The following IL1RAPL2 variants were observed in gnomAD, a reference collection of about 807,000 sequenced individuals.
IL1RAPL2 encodes the protein X-linked interleukin-1 receptor accessory protein-like 2.
A neutral mutation model predicts 44.1 loss-of-function variants in IL1RAPL2; 3 were observed. The observed-to-expected ratio is 0.07, with a 90% confidence interval of 0.03 to 0.18. The LOEUF (loss-of-function observed/expected upper bound fraction) is 0.18, where lower values mean the gene tolerates loss of function less well. Ranked by LOEUF, IL1RAPL2 falls within the 10% of genes least tolerant of loss-of-function variation. The pLI is 1.00. For missense variants in IL1RAPL2, 391 were observed against 496.4 expected (o/e 0.79, Z 2.02); for synonymous variants, 181 against 178.8 (o/e 1.01, Z -0.10).
At chrX:105,032,480 A>G (rs1321949012) in intron 2 of IL1RAPL2, among the ~76,000 whole-genome samples, 1 of 109,757 alleles carries the variant, frequency 9.1e-6, no homozygotes, top group African/African-American at 3.3e-5. Flanking sequence ...TCATTTCGTT[A>G]TTTCCCCGTA....
chrX:104,824,921 A>T (rs1160887678), intron 2 of IL1RAPL2, among the ~76,000 whole-genome samples: 1 of 110,995 alleles, frequency 9.0e-6, no homozygotes, highest in Non-Finnish European at 1.9e-5. Flanking sequence ...TTTTTTTCAA[A>T]TCACACTATT....
At chrX:104,645,937 A>C (rs2148017831) in intron 1 of IL1RAPL2, among the ~76,000 whole-genome samples, 1 of 112,614 alleles carries the variant, frequency 8.9e-6, no homozygotes, top group East Asian at 2.8e-4. Flanking sequence ...GGATTTTAGT[A>C]TAGTTAAATG....
At chrX:104,915,206 T>C (rs1924378789) in intron 2 of IL1RAPL2, among the ~76,000 whole-genome samples, 1 of 111,246 alleles carries the variant, frequency 9.0e-6, no homozygotes, top group Non-Finnish European at 1.9e-5. Flanking sequence ...TTCCTATTTC[T>C]CCACATCCTC....
chrX:105,007,860 G>C (rs796484012), intron 2 of IL1RAPL2, among the ~76,000 whole-genome samples: 1 of 458 alleles, frequency 2.2e-3, no homozygotes, highest in African/African-American at 7.4e-3. Flanking sequence ...CCTGGAGCAA[G>C]TGAGAAGAGA....
intron 1 of IL1RAPL2, among the ~76,000 whole-genome samples, chrX:104,649,539 G>T (rs565337715): frequency 6.6e-4 from 74 of 111,676 alleles, no homozygotes; most frequent in South Asian, 5.9e-3. Flanking sequence ...ATTATAAAAT[G>T]TAAGAGATAG....
intron 2 of IL1RAPL2, among the ~76,000 whole-genome samples, chrX:104,749,558 A>G (rs911708534): frequency 5.4e-5 from 6 of 111,833 alleles, no homozygotes; most frequent in Non-Finnish European, 7.5e-5. Context: ...TGCAATGTCA[A>G]TTTTTCCATG....
At chrX:104,872,610 C>A (rs907143804) in intron 2 of IL1RAPL2, among the ~76,000 whole-genome samples, 13 of 111,716 alleles carry the variant, frequency 1.2e-4, no homozygotes, top group African/African-American at 4.2e-4. Context: ...ACCAGAAAAC[C>A]TCTGCTAGCT....
At chrX:105,549,300 T>C (rs1034625643) in intron 6 of IL1RAPL2, among the ~76,000 whole-genome samples, 6 of 112,521 alleles carry the variant, frequency 5.3e-5, no homozygotes, top group Non-Finnish European at 9.4e-5. Context: ...CAATTTGTTA[T>C]GAAATTTGTT....
chrX:105,371,110 C>A (rs1439333747), intron 5 of IL1RAPL2, among the ~76,000 whole-genome samples: 1 of 111,980 alleles, frequency 8.9e-6, no homozygotes, highest in African/African-American at 3.2e-5. Context: ...TATTCAAGTT[C>A]TTTATAGATT....
chrX:104,996,460 T>G (rs2030749611), intron 2 of IL1RAPL2, among the ~76,000 whole-genome samples: 1 of 111,695 alleles, frequency 9.0e-6, no homozygotes, highest in African/African-American at 3.3e-5. Context: ...AGCTGAGACT[T>G]GTAAGATAAT....
At chrX:105,546,520 T>G (rs973925958) in intron 6 of IL1RAPL2, among the ~76,000 whole-genome samples, 2 of 110,018 alleles carry the variant, frequency 1.8e-5, no homozygotes, top group African/African-American at 6.6e-5. Context: ...GTGATTTTTT[T>G]AAAGAAAATA....
rs138900921 is a variant in IL1RAPL2, at chrX:104,945,403, A to T, written c.83-250072A>T. 6.3e-3 allele frequency among the ~76,000 whole-genome samples: 699 copies of T among 111,259 alleles called. 3 individuals carry two copies. Among genetic ancestry groups the T allele is most frequent in the African/African-American group, 0.022 (665 of 30,661 alleles). ...CATGGATAAGACTATTATCCTACTG[A>T]GCCCTACATTTTTGCAAAGGTTTCA... is the stretch of plus-strand genomic sequence containing the variant. On this transcript the variant is annotated intron_variant, in intron 2 of 10. Transcript: ENST00000372582.
In IL1RAPL2 at chrX:105,755,327, G is replaced by C; in HGVS notation, c.1343G>C (p.Arg448Thr). The change falls in exon 10 of 11, where the codon AGA (arginine) becomes ACA (threonine). Residue 448 changes from arginine to threonine, a missense_variant. By Grantham distance (71) the Arg-to-Thr change is moderately conservative. Transcript: ENST00000372582. ...HYGYKLFIPERDLIPSGTYME... is the reference protein window; with the variant it reads ...HYGYKLFIPETDLIPSGTYME... The stretch of plus-strand genomic sequence containing the variant: ...GGATATAAACTCTTCATCCCAGAAA[G>C]AGACCTGATTCCAAGTGGAAGTAAG... The C allele has an allele frequency of 2.5e-6, 3 of 1,197,839 alleles. No homozygotes were observed. Among genetic ancestry groups the C allele is most frequent in the Non-Finnish European group, 2.3e-6 (2 of 887,050 alleles).
At chrX:105,251,895 A>G (rs1251307529) in intron 4 of IL1RAPL2, among the ~76,000 whole-genome samples, 2 of 111,411 alleles carry the variant, frequency 1.8e-5, no homozygotes. Flanking sequence ...TAGTTACCTA[A>G]GACATCTCAG....
At chrX:104,830,887 T>C (rs746013033) in intron 2 of IL1RAPL2, among the ~76,000 whole-genome samples, 1 of 112,227 alleles carries the variant, frequency 8.9e-6, no homozygotes, top group East Asian at 2.8e-4. Context: ...TATAGTAACT[T>C]AAGTTACATT....
chrX:105,548,520 A>G (rs2036825551), intron 6 of IL1RAPL2, among the ~76,000 whole-genome samples: 1 of 112,233 alleles, frequency 8.9e-6, no homozygotes, highest in Non-Finnish European at 1.9e-5. Flanking sequence ...GGAAGGCATT[A>G]TAAAATAGTG....
chrX:104,609,088 T>C (rs1357290249), intron 1 of IL1RAPL2, among the ~76,000 whole-genome samples: 2 of 111,789 alleles, frequency 1.8e-5, no homozygotes, highest in African/African-American at 3.3e-5. Flanking sequence ...CTGTAACGGA[T>C]TTTATTTCTC....
intron 6 of IL1RAPL2, among the ~76,000 whole-genome samples, chrX:105,504,734 A>G (rs1376648793): frequency 2.7e-5 from 3 of 111,599 alleles, no homozygotes; most frequent in Non-Finnish European, 5.7e-5. Context: ...ACATGTATCT[A>G]TTGTTTTCTT....
intron 2 of IL1RAPL2, among the ~76,000 whole-genome samples, chrX:105,101,265 A>C (rs923631984): frequency 8.9e-6 from 1 of 111,899 alleles, no homozygotes; most frequent in African/African-American, 3.3e-5. Flanking sequence ...TCTGTCATTA[A>C]ACTGGGATAA....
Sources: gnomAD v4.1 joint callset for allele counts (sites outside exome capture counted in the v4.1 genomes callset) on GRCh38, gnomAD v4.1.1 for gene constraint, MANE v1.5 for transcripts, NCBI Gene and HGNC (gene_info 2026-07-23, HGNC 2026-07-21) for gene names.